The following OPCML variants were observed in gnomAD, a reference collection of about 807,000 sequenced individuals.
OPCML encodes the protein opioid binding protein/cell adhesion molecule like, also known as opioid-binding protein/cell adhesion molecule.
OPCML carries 13 observed loss-of-function variants against 37.8 expected under a neutral mutation model. The observed-to-expected ratio is 0.34, with a 90% CI of 0.22 to 0.55. OPCML has a LOEUF of 0.55. Ranked by LOEUF, OPCML falls within the 20% of genes least tolerant of loss-of-function variation. OPCML has a pLI of 0.91. For synonymous variants in OPCML, 176 were observed against 168.8 expected, an observed-to-expected ratio of 1.04 and a Z score of -0.33; for missense variants, 341 against 435.6, an observed-to-expected ratio of 0.78 and a Z score of 1.93.
chr11:132,486,390 AC>A (rs1302148944), intron 4 of OPCML, among the ~76,000 whole-genome samples: 1 of 152,182 alleles, frequency 6.6e-6, no homozygotes, highest in Non-Finnish European at 1.5e-5. Context: ...AAGGGACCTG[AC>A]AAATGCAATT....
intron 1 of OPCML, among the ~76,000 whole-genome samples, chr11:133,274,499 G>C (rs2136489948): frequency 6.6e-6 from 1 of 152,318 alleles, no homozygotes; most frequent in East Asian, 1.9e-4. Context: ...AGTCAAAGAG[G>C]GGTTCTCCCC....
chr11:133,358,265 TG>T (rs1197813164), intron 1 of OPCML, among the ~76,000 whole-genome samples: 70 of 152,358 alleles, frequency 4.6e-4, no homozygotes, highest in African/African-American at 1.5e-3. Flanking sequence ...TTGTTGGTTT[TG>T]TTTCCCCTAG....
At position 133,505,066 on chromosome 11, in the gene OPCML, G is replaced by A. The variant is rs191346736; in HGVS notation, c.61+27198C>T. Among the ~76,000 whole-genome samples the A allele has an allele frequency of 8.3e-4, 127 of 152,346 alleles. 1 individual carries two copies. The highest frequency in any genetic ancestry group is 8.3e-3 in the Admixed American group (127 of 15,310). ...GCCATGCAGAGGTCAGCACTGAGGC[G>A]ATCGCAGGCTCTCCGGGTGCCTCAC... is the stretch of plus-strand genomic sequence containing the variant. On this transcript the variant is annotated intron_variant, in intron 1 of 7. Transcript: ENST00000524381.
intron 1 of OPCML, chr11:133,419,263 T>A: frequency 1.0e-6 from 1 of 985,362 alleles, no homozygotes; most frequent in Non-Finnish European, 1.2e-6. Context: ...ATGAGTTTGG[T>A]TTTGAACATG....
chr11:133,355,054 A>G (rs1375052373), intron 1 of OPCML, among the ~76,000 whole-genome samples: 1 of 152,256 alleles, frequency 6.6e-6, no homozygotes, highest in Non-Finnish European at 1.5e-5. Context: ...CCATTTACCT[A>G]CAAGAAAAAG....
intron 1 of OPCML, among the ~76,000 whole-genome samples, chr11:133,115,354 G>C (rs1476452173): frequency 6.6e-6 from 1 of 152,186 alleles, no homozygotes; most frequent in Non-Finnish European, 1.5e-5. Flanking sequence ...GCTCATGCTT[G>C]TGCAGCCTAT....
intron 2 of OPCML, among the ~76,000 whole-genome samples, chr11:132,714,588 C>CT (rs534728064): frequency 0.27 from 41,046 of 152,066 alleles, 7,973 homozygotes; most frequent in African/African-American, 0.53. Context: ...TAAATCTTGA[C>CT]TTTGGGCTCT....
intron 3 of OPCML, among the ~76,000 whole-genome samples, chr11:132,614,518 G>A (rs1459132595): frequency 6.6e-6 from 1 of 152,118 alleles, no homozygotes; most frequent in Non-Finnish European, 1.5e-5. Context: ...TATACCGCTT[G>A]TGTGTCTGTC....
At chr11:133,192,216 A>G (rs1190479604) in intron 1 of OPCML, among the ~76,000 whole-genome samples, 2 of 152,146 alleles carry the variant, frequency 1.3e-5, no homozygotes, top group Non-Finnish European at 2.9e-5. Context: ...AGAGTTTTTG[A>G]TCTTCTGAAG....
intron 1 of OPCML, among the ~76,000 whole-genome samples, chr11:133,373,446 T>TATATATATATATATATATATATACAC (rs1482064315): frequency 7.5e-6 from 1 of 133,326 alleles, no homozygotes; most frequent in African/African-American, 3.0e-5. Flanking sequence ...TATATATATA[T>TATATATATATATATATATATATACAC]ATACACACAC....
At chr11:133,401,502 T>C (rs1240728836) in intron 1 of OPCML, among the ~76,000 whole-genome samples, 1 of 152,198 alleles carries the variant, frequency 6.6e-6, no homozygotes, top group African/African-American at 2.4e-5. Flanking sequence ...GCATTTTTCC[T>C]AGAGCTGCAG....
At chr11:133,277,719 ATG>A (rs976902483) in intron 1 of OPCML, among the ~76,000 whole-genome samples, 5 of 152,014 alleles carry the variant, frequency 3.3e-5, no homozygotes, top group Admixed American at 6.6e-5. Flanking sequence ...GTATATATGT[ATG>A]TGTGTGTATA....
intron 1 of OPCML, among the ~76,000 whole-genome samples, chr11:133,411,851 G>T (rs146652691): frequency 2.6e-5 from 4 of 152,136 alleles, no homozygotes; most frequent in African/African-American, 7.2e-5. Flanking sequence ...TCTGTTTATT[G>T]TCTTTGACTG....
At chr11:132,768,617 T>C (rs888198535) in intron 2 of OPCML, among the ~76,000 whole-genome samples, 1 of 152,184 alleles carries the variant, frequency 6.6e-6, no homozygotes, top group African/African-American at 2.4e-5. Flanking sequence ...ATAGATTTAC[T>C]CTCAGTGTTA....
chr11:133,283,190 C>T (rs1482118647), intron 1 of OPCML, among the ~76,000 whole-genome samples: 1 of 151,982 alleles, frequency 6.6e-6, no homozygotes, highest in Non-Finnish European at 1.5e-5. Context: ...TTATCCTTTC[C>T]AAATCTCATG....
intron 2 of OPCML, among the ~76,000 whole-genome samples, chr11:132,782,484 A>T (rs1389171392): frequency 6.6e-6 from 1 of 152,252 alleles, no homozygotes; most frequent in Non-Finnish European, 1.5e-5. Flanking sequence ...GGCCAAAAAA[A>T]TGCTAATTCT....
chr11:133,000,122 T>A (rs1446917298), intron 1 of OPCML, among the ~76,000 whole-genome samples: 1 of 152,146 alleles, frequency 6.6e-6, no homozygotes, highest in East Asian at 1.9e-4. Context: ...GGTGACGTGA[T>A]CTCGGCTCAC....
chr11:133,377,331 A>G (rs943185519), intron 1 of OPCML, among the ~76,000 whole-genome samples: 5 of 152,140 alleles, frequency 3.3e-5, no homozygotes, highest in Admixed American at 2.0e-4. Context: ...AGATGTTTCC[A>G]GCCATGCTTT....
rs1471392228 is a variant in OPCML at position 133,173,140 on chromosome 11, C to G, written c.62-230130G>C. On this transcript the variant is annotated intron_variant, in intron 1 of 7. Coordinates refer to ENST00000524381, the MANE Select transcript of OPCML (RefSeq NM_001012393.5). The surrounding 1 kb of genome is among the most constrained non-coding windows in gnomAD (Gnocchi z 7.8). ...GTAATAGCCATTTCCAACAACCACACCCATGCTTTAAAAAAATTACATGTG... is the reference window on the plus strand; with the variant it reads ...GTAATAGCCATTTCCAACAACCACAGCCATGCTTTAAAAAAATTACATGTG... Among the ~76,000 whole-genome samples, 6 of 152,134 alleles carry G rather than the reference C, an allele frequency of 3.9e-5. No homozygotes were observed. The highest frequency in any genetic ancestry group is 7.3e-5 in the Non-Finnish European group (5 of 68,028).
Sources: gnomAD v4.1 joint callset for allele counts (sites outside exome capture counted in the v4.1 genomes callset) on GRCh38, gnomAD v4.1.1 for gene constraint, Gnocchi (gnomAD v3.1) non-coding constraint, MANE v1.5 for transcripts, NCBI Gene and HGNC (gene_info 2026-07-23, HGNC 2026-07-21) for gene names.